Variants in FIGNL2 observed in about 807,000 individuals in gnomAD.
FIGNL2 encodes fidgetin like 2.
For synonymous variants in FIGNL2, 565 were observed against 484.0 expected (o/e 1.17, Z -2.20); for missense variants, 1,060 against 950.2 (o/e 1.12, Z -1.52).
chr12:51,831,584 G>T (rs1296350098), intron 1 of FIGNL2, among the ~76,000 whole-genome samples: 1 of 152,208 alleles, frequency 6.6e-6, no homozygotes, highest in South Asian at 2.1e-4. Flanking sequence ...CCTGAGCGGG[G>T]CATGAGAGCC....
chr12:51,820,437 C>A lies in FIGNL2; in HGVS notation c.*15G>T. ...ACGGAGGGACTGCGGCTCCCGCGGC[C>A]TCCCCCGCGCGCCGTCAGTGTCCGG... On this transcript the variant is annotated 3_prime_UTR_variant, in exon 2 of 2. Coordinates refer to ENST00000618634, the MANE Select transcript of FIGNL2 (RefSeq NM_001384995.1). 1.3e-6 allele frequency: 2 copies of A among 1,581,410 alleles called. No individual in the cohort carries two copies. Among genetic ancestry groups the A allele is most frequent in the East Asian group, 2.3e-5 (1 of 43,878 alleles).
rs1279541650 is a variant in FIGNL2, at chr12:51,821,716, G to A, written c.698C>T (p.Pro233Leu). 1.5e-6 allele frequency: 2 copies of A among 1,335,268 alleles called. No individual in the cohort carries two copies. The highest frequency in any genetic ancestry group is 1.9e-6 in the Non-Finnish European group (2 of 1,050,904). 82.7% of individuals were successfully genotyped at this position (1,335,268 alleles called of 1,614,324 possible). The change falls in exon 2 of 2, where the codon CCG (proline) becomes CTG (leucine). Residue 233 changes from proline to leucine, a missense_variant. Pro to Leu is a moderately conservative substitution (Grantham distance 98). Transcript: ENST00000618634. ...CAGGGGCGTGGGCGCGGGCAGGCCC[G>A]GGGTCAGGTAGGGGGCCGGGGGTGG... ...PGPPPAPYLT[P>L]GLPAPTPLPA...
intron 1 of FIGNL2, among the ~76,000 whole-genome samples, chr12:51,828,922 CCAA>C (rs548191053): frequency 1.9e-4 from 29 of 152,210 alleles, no homozygotes; most frequent in Non-Finnish European, 4.0e-4. Context: ...GGAAGAAACC[CCAA>C]CAACACAGCA....
intron 1 of FIGNL2, among the ~76,000 whole-genome samples, chr12:51,839,898 C>T (rs186897094): frequency 9.2e-5 from 14 of 152,338 alleles, no homozygotes; most frequent in African/African-American, 3.1e-4. Flanking sequence ...CCTCAGAAAA[C>T]ATTCCCTGAC....
At chr12:51,846,637 G>A (rs1475249042) in intron 1 of FIGNL2, among the ~76,000 whole-genome samples, 2 of 151,630 alleles carry the variant, frequency 1.3e-5, no homozygotes, top group Non-Finnish European at 2.9e-5. Flanking sequence ...CCAGCCCTCA[G>A]CCATACCACG....
At chr12:51,824,931 C>G (rs1939305645) in intron 1 of FIGNL2, among the ~76,000 whole-genome samples, 2 of 151,930 alleles carry the variant, frequency 1.3e-5, no homozygotes, top group Non-Finnish European at 2.9e-5. Flanking sequence ...GTCATCCCAG[C>G]TACTCAGGAT....
At chr12:51,828,667 T>G (rs1452736171) in intron 1 of FIGNL2, among the ~76,000 whole-genome samples, 1 of 152,168 alleles carries the variant, frequency 6.6e-6, no homozygotes, top group Non-Finnish European at 1.5e-5. Context: ...CTCCCATCCC[T>G]GAGGACCACA....
intron 1 of FIGNL2, chr12:51,823,433 C>T (rs934608841): frequency 2.6e-5 from 4 of 152,048 alleles, no homozygotes; most frequent in African/African-American, 4.8e-5. Flanking sequence ...AACTTTTTTT[C>T]GTGGTCCTCA....
chr12:51,848,434 G>A, intron 1 of FIGNL2, 106 bp downstream of exon 1: 1 of 979,880 alleles, frequency 1.0e-6, no homozygotes. Flanking sequence ...AGCAGCCCCC[G>A]CCCTCTCGGC....
At chr12:51,823,227 A>G (rs934570928) in intron 1 of FIGNL2, among the ~76,000 whole-genome samples, 16 of 152,232 alleles carry the variant, frequency 1.1e-4, no homozygotes, top group African/African-American at 3.9e-4. Flanking sequence ...CAATACAAAA[A>G]TATGTAGAAT....
Position 51,819,294 on chromosome 12 carries a change from G to C in FIGNL2, c.*1158C>G, listed in dbSNP as rs548750639. On this transcript the variant is annotated 3_prime_UTR_variant, in exon 2 of 2. Transcript: ENST00000618634. ...TAGCCCTTCACAGAAAACACTCAGCGGAGGGGTTGGGTGGGGCAGGGGGTG... is the reference window on the plus strand; with the variant it reads ...TAGCCCTTCACAGAAAACACTCAGCCGAGGGGTTGGGTGGGGCAGGGGGTG... The C allele has an allele frequency of 6.6e-6, 1 of 152,416 alleles. No homozygotes were observed. The highest frequency in any genetic ancestry group is 1.5e-5 in the Non-Finnish European group (1 of 68,066). 9.4% of individuals were successfully genotyped at this position (152,416 alleles called of 1,614,324 possible). A position where few individuals can be genotyped will look rare whatever the true frequency, so the allele number is the denominator to read the frequency against.
intron 1 of FIGNL2, among the ~76,000 whole-genome samples, chr12:51,836,311 T>C (rs1939577950): frequency 6.6e-6 from 1 of 152,142 alleles, no homozygotes; most frequent in Non-Finnish European, 1.5e-5. Context: ...ATCTGGCCTT[T>C]GGGCTGCGCT....
At chr12:51,832,544 C>G (rs898475432) in intron 1 of FIGNL2, among the ~76,000 whole-genome samples, 5 of 152,034 alleles carry the variant, frequency 3.3e-5, no homozygotes, top group African/African-American at 4.8e-5. Flanking sequence ...CTCTCCTGGC[C>G]CCTGCTGCCG....
At chr12:51,824,689 G>A (rs551318627) in intron 1 of FIGNL2, among the ~76,000 whole-genome samples, 1 of 152,284 alleles carries the variant, frequency 6.6e-6, no homozygotes, top group South Asian at 2.1e-4. Context: ...GTGAAAGAGG[G>A]TAATTTCCTG....
At chr12:51,835,463 C>A (rs1939564969) in intron 1 of FIGNL2, 1 of 152,258 alleles carries the variant, frequency 6.6e-6, no homozygotes, top group Non-Finnish European at 1.5e-5. Flanking sequence ...GCCACCAGCC[C>A]AAAAGGGGCA....
intron 1 of FIGNL2, among the ~76,000 whole-genome samples, chr12:51,830,007 G>T (rs516505): frequency 0.29 from 44,243 of 152,058 alleles, 6,914 homozygotes; most frequent in East Asian, 0.49. Flanking sequence ...ACTGAGAGTA[G>T]GCCTGGTGTG....
intron 1 of FIGNL2, among the ~76,000 whole-genome samples, chr12:51,836,411 A>G (rs1220184086): frequency 6.6e-6 from 1 of 151,300 alleles, no homozygotes; most frequent in African/African-American, 2.4e-5. Context: ...GGGGGCCAGC[A>G]GAGAGGGAGA....
At chr12:51,830,498 T>C (rs1939432135) in intron 1 of FIGNL2, among the ~76,000 whole-genome samples, 1 of 149,948 alleles carries the variant, frequency 6.7e-6, no homozygotes, top group Admixed American at 6.6e-5. Context: ...GAGTTGTTTT[T>C]TTTTTTTTTT....
In FIGNL2 at chr12:51,822,481, C is replaced by T. The variant is rs753475597; in HGVS notation, c.-11-57G>A. On this transcript the variant is annotated intron_variant, in intron 1 of 1. Transcript: ENST00000618634. ...TCTAGCCACCGAGGACCCAGTGGGCCACTGCTAGCCATAGGCCAGTCCGCC... is the reference window on the plus strand; with the variant it reads ...TCTAGCCACCGAGGACCCAGTGGGCTACTGCTAGCCATAGGCCAGTCCGCC... The T allele has an allele frequency of 4.5e-4, 722 of 1,589,008 alleles. 3 individuals are homozygous for T. The highest frequency in any genetic ancestry group is 5.9e-4 in the Non-Finnish European group (690 of 1,167,542).
Sources: allele counts gnomAD v4.1 joint callset (sites outside exome capture counted in the v4.1 genomes callset), GRCh38; gene constraint gnomAD v4.1.1; transcripts MANE v1.5; gene names NCBI Gene and HGNC (gene_info 2026-07-23, HGNC 2026-07-21).